Variants in GSDME observed in about 807,000 individuals in gnomAD.
GSDME encodes the protein gasdermin E.
A neutral mutation model predicts 47.5 loss-of-function variants in GSDME; 44 were observed. That is an observed-to-expected ratio of 0.93 (90% confidence interval 0.73 to 1.19). GSDME has a LOEUF of 1.19. Among genes scored for constraint, GSDME ranks in the 50% most tolerant of loss-of-function variants. The pLI is 0.00. For synonymous variants in GSDME, 258 were observed against 252.8 expected, an observed-to-expected ratio of 1.02 and a Z score of -0.20; for missense variants, 663 against 604.2, an observed-to-expected ratio of 1.10 and a Z score of -1.02.
Position 24,744,596 on chromosome 7 carries a change from C to A in GSDME, c.370G>T (p.Asp124Tyr). The A allele has an allele frequency of 1.9e-6, 3 of 1,614,174 alleles. No individual in the cohort carries two copies. The highest frequency in any genetic ancestry group is 2.5e-6 in the Non-Finnish European group (3 of 1,180,034). ...GAGTCTCTGATGAGCTGCTGCAAAT[C>A]CACCTCCTGCTTCCTCAGGGTTCCA... ...SFGTLRKQEV[D>Y]LQQLIRDSAE... is the part of the protein sequence containing the mutation. The change falls in exon 3 of 10, where the codon GAT becomes TAT. Residue 124 changes from aspartate (D) to tyrosine (Y), a missense_variant. Physicochemically the swap from Asp to Tyr is radical, Grantham distance 160. Transcript: ENST00000645220. This position sits in a 1 kb window ranked among gnomAD's most constrained non-coding sequence, Gnocchi z 4.5.
chr7:24,707,972 C>T, intron 7 of GSDME, 155 bp downstream of exon 7: 1 of 876,888 alleles, frequency 1.1e-6, no homozygotes, highest in Admixed American at 2.6e-5. Flanking sequence ...AGCTACCTGT[C>T]TGCACTTAGA....
At chr7:24,715,588 G>C (rs1490665013) in intron 5 of GSDME, 1 of 445,044 alleles carries the variant, frequency 2.2e-6, no homozygotes, top group Non-Finnish European at 4.7e-6. Context: ...AAACCCAAAA[G>C]TGCAGATGGT....
intron 8 of GSDME, chr7:24,704,400 A>G (rs1462519403): frequency 6.6e-6 from 1 of 152,128 alleles, no homozygotes; most frequent in Non-Finnish European, 1.5e-5. Context: ...ACCTACGAAG[A>G]CCCCATTTTC....
intron 1 of GSDME, among the ~76,000 whole-genome samples, chr7:24,753,773 G>T (rs1790930886): frequency 6.6e-6 from 1 of 152,152 alleles, no homozygotes; most frequent in South Asian, 2.1e-4. Flanking sequence ...GTATTTAACT[G>T]TATCCTTTGC....
rs1421835509 is a variant in GSDME at position 24,757,056 on chromosome 7, A to G, written c.-20+340T>C. Among the ~76,000 whole-genome samples the G allele has an allele frequency of 2.6e-5, 4 of 152,160 alleles. No homozygotes were observed. The highest frequency in any genetic ancestry group is 9.7e-5 in the African/African-American group (4 of 41,430). On this transcript the variant is annotated intron_variant, in intron 1 of 9. Coordinates refer to ENST00000645220, the MANE Select transcript of GSDME (RefSeq NM_001127453.2). The surrounding 1 kb of genome is among the most constrained non-coding windows in gnomAD (Gnocchi z 5.9). ...GGGGGTTTGGGGGGTTGGGAGAACG[A>G]AAATACCAGCTGCGCTTCCAACATC...
chr7:24,784,602 T>C, the GSDME span, among the ~76,000 whole-genome samples: 7 of 150,724 alleles, frequency 4.6e-5, no homozygotes, highest in African/African-American at 1.7e-4. Context: ...TCCCACCTTC[T>C]TCCCCCTGCT....
the GSDME span, among the ~76,000 whole-genome samples, chr7:24,781,429 A>C: frequency 6.6e-6 from 1 of 152,204 alleles, no homozygotes; most frequent in African/African-American, 2.4e-5. Context: ...TTATATTCAC[A>C]ACACAGCACC....
In GSDME at chr7:24,733,344, C is replaced by T. The variant is rs569597902; in HGVS notation, c.404+11218G>A. On this transcript the variant is annotated intron_variant, in intron 3 of 9. Coordinates refer to ENST00000645220, the MANE Select transcript of GSDME (RefSeq NM_001127453.2). The surrounding 1 kb of genome is among the most constrained non-coding windows in gnomAD (Gnocchi z 4.3). ...GACCCAGCTGTGGTCAGGTGTGACT[C>T]GGCACTTTCACAGCTGTGCTGGCTA... 5.3e-5 allele frequency among the ~76,000 whole-genome samples: 8 copies of T among 152,128 alleles called. No homozygotes were observed. The South Asian group carries it at 8.3e-4, about 16-fold the overall frequency.
chr7:24,794,391 A>G, the GSDME span, among the ~76,000 whole-genome samples: 18 of 150,958 alleles, frequency 1.2e-4, no homozygotes, highest in South Asian at 3.8e-3. Flanking sequence ...CTCTTCCCCT[A>G]GGGGAGAGAC....
At position 24,702,932 on chromosome 7, in the gene GSDME, C is replaced by T. The variant is rs1463300754; in HGVS notation, c.1184-99G>A. The T allele has an allele frequency of 5.8e-6, 6 of 1,037,760 alleles. No homozygotes were observed. The African/African-American group carries it at 9.4e-5, about 16-fold the overall frequency. 64.3% of individuals were successfully genotyped at this position (1,037,760 alleles called of 1,614,324 possible). ...ACCTAACTTATATTTTAGTACTTTC[C>T]CGCCAGCCAGGCAGGGGAGGTACTC... On this transcript the variant is annotated intron_variant, in intron 8 of 9. Transcript: ENST00000645220.
chr7:24,707,385 C>T (rs993431414), intron 7 of GSDME: 2 of 471,456 alleles, frequency 4.2e-6, no homozygotes, highest in African/African-American at 4.0e-5. Flanking sequence ...ATTTGTACAA[C>T]TAAGAGTTAA....
chr7:24,702,633 T>A, intron 9 of GSDME, 127 bp downstream of exon 9: 1 of 772,680 alleles, frequency 1.3e-6, no homozygotes, highest in Non-Finnish European at 2.3e-6. Flanking sequence ...TAACAATACT[T>A]ACTTAATGTG....
chr7:24,795,343 C>T, the GSDME span, among the ~76,000 whole-genome samples: 3 of 152,134 alleles, frequency 2.0e-5, no homozygotes, highest in African/African-American at 4.8e-5. Context: ...GGTCAGGGAA[C>T]CAAGAAATGT....
chr7:24,698,923 T>C lies in GSDME; in HGVS notation c.*103A>G. On this transcript the variant is annotated 3_prime_UTR_variant, in exon 10 of 10. Coordinates refer to ENST00000645220, the MANE Select transcript of GSDME (RefSeq NM_001127453.2). ...AATGTCACCACTTCTTAAACTGTTC[T>C]GTAAATTCATTTCATTGGTCAACTT... 2 of 858,370 alleles carry C rather than the reference T, an allele frequency of 2.3e-6. No homozygotes were observed. The highest frequency in any genetic ancestry group is 3.9e-6 in the Non-Finnish European group (2 of 516,104). 53.2% of individuals were successfully genotyped at this position (858,370 alleles called of 1,614,324 possible). A position where few individuals can be genotyped will look rare whatever the true frequency, so the allele number is the denominator to read the frequency against.
chr7:24,715,559 G>A lies in GSDME; in HGVS notation c.697+1695C>T, dbSNP rs1007956156. The stretch of plus-strand genomic sequence containing the variant: ...AGTAAGACTGGACAGGACCACCAAG[G>A]CAGACATAGGGGGGCTAGAAACCCA... On this transcript the variant is annotated intron_variant, in intron 5 of 9. Coordinates refer to ENST00000645220, the MANE Select transcript of GSDME (RefSeq NM_001127453.2). The A allele has an allele frequency of 1.1e-5, 5 of 465,704 alleles. No individual in the cohort carries two copies. The Admixed American group carries it at 1.2e-4, about 11-fold the overall frequency. The allele number at this position is 465,704 out of a possible 1,614,324, so 28.8% of individuals were successfully genotyped here.
rs773107386 is a variant in GSDME at position 24,744,684 on chromosome 7, A to G, written c.282T>C (p.Thr94=). ...FANHVSGTLE[T]ALGKVKLNLG... ...GGTTCAGCTTGACCTTCCCCAGTGCAGTCTCCAGGGTTCCACTCACGTGGT... is the reference window on the plus strand; with the variant it reads ...GGTTCAGCTTGACCTTCCCCAGTGCGGTCTCCAGGGTTCCACTCACGTGGT... The change falls in exon 3 of 10, where the codon ACT becomes ACC. Residue 94 remains threonine, a synonymous_variant. Transcript: ENST00000645220. This position sits in a 1 kb window ranked among gnomAD's most constrained non-coding sequence, Gnocchi z 4.5. The G allele has an allele frequency of 3.1e-6, 5 of 1,614,172 alleles. No homozygotes were observed. Among genetic ancestry groups the G allele is most frequent in the South Asian group, 2.2e-5 (2 of 91,082 alleles).
At chr7:24,710,436 T>A in intron 5 of GSDME, 48 bp from the exon 6 acceptor site, 1 of 1,604,352 alleles carries the variant, frequency 6.2e-7, no homozygotes, top group Non-Finnish European at 8.5e-7. Context: ...GAGTCTAAGG[T>A]GTGCCAACAA....
intron 9 of GSDME, 111 bp from the exon 10 acceptor site, chr7:24,699,370 T>C: frequency 1.3e-6 from 1 of 765,016 alleles, no homozygotes; most frequent in African/African-American, 1.7e-5. Context: ...TGAGATGGAG[T>C]CTTGCTCTGT....
chr7:24,765,645 T>C, the GSDME span, among the ~76,000 whole-genome samples: 1 of 152,262 alleles, frequency 6.6e-6, no homozygotes, highest in Non-Finnish European at 1.5e-5. Flanking sequence ...AGAGTTGCTC[T>C]GAACCTATTC....
Sources: allele counts gnomAD v4.1 joint callset (sites outside exome capture counted in the v4.1 genomes callset), GRCh38; gene constraint gnomAD v4.1.1; non-coding constraint Gnocchi (gnomAD v3.1); transcripts MANE v1.5; gene names NCBI Gene and HGNC (gene_info 2026-07-23, HGNC 2026-07-21).